JADE2: variants seen among roughly 807,000 people sequenced by gnomAD.
The protein encoded by JADE2 is jade family PHD finger 2, also known as E3 ubiquitin-protein ligase Jade-2.
A neutral mutation model predicts 85.7 loss-of-function variants in JADE2; 13 were observed. The observed-to-expected ratio is 0.15, with a 90% CI of 0.10 to 0.24. JADE2 has a LOEUF of 0.24. JADE2 is among the 10% of genes least tolerant of loss of function. The probability of loss-of-function intolerance (pLI) is 1.00; values close to 1 mark genes in which losing one functional copy is unlikely to be tolerated. For synonymous variants in JADE2, 440 were observed against 456.1 expected (o/e 0.96, Z 0.45); for missense variants, 846 against 1,115.9 (o/e 0.76, Z 3.45).
rs1241954640 is a variant in JADE2 at position 134,535,929 on chromosome 5, G to C, written c.58+14G>C. ...ACACCACTGACAGTAAGGCCTTCCA[G>C]TTTGGGCTCCTACAGGGAAAGCATT... On this transcript the variant is annotated intron_variant, in intron 2 of 11. Coordinates refer to ENST00000681547, the MANE Select transcript of JADE2 (RefSeq NM_001388185.1). 5 of 1,612,226 alleles carry C rather than the reference G, an allele frequency of 3.1e-6. No individual in the cohort carries two copies. Among genetic ancestry groups the C allele is most frequent in the Non-Finnish European group, 1.7e-6 (2 of 1,178,298 alleles).
intron 2 of JADE2, chr5:134,536,901 A>G (rs1475951136): frequency 1.3e-5 from 2 of 152,266 alleles, no homozygotes; most frequent in Non-Finnish European, 2.9e-5. Context: ...CACAGCCCCC[A>G]CAAAAGCCTA....
intron 9 of JADE2, among the ~76,000 whole-genome samples, chr5:134,567,353 C>G (rs1222663258): frequency 1.3e-5 from 2 of 152,158 alleles, no homozygotes; most frequent in Non-Finnish European, 2.9e-5. Context: ...TGGCTGAAAA[C>G]CACCCCCAGC....
At chr5:134,539,944 T>A (rs1357512293) in intron 3 of JADE2, among the ~76,000 whole-genome samples, 2 of 152,062 alleles carry the variant, frequency 1.3e-5, no homozygotes, top group Non-Finnish European at 2.9e-5. Context: ...TGATGCCCCA[T>A]CCCCCAAGCC....
intron 3 of JADE2, among the ~76,000 whole-genome samples, chr5:134,540,872 G>C (rs1761922927): frequency 6.6e-6 from 1 of 152,220 alleles, no homozygotes; most frequent in South Asian, 2.1e-4. Flanking sequence ...TCTGCACCAA[G>C]GATCAGGCCT....
At chr5:134,525,164 C>CT (rs763345253), upstream of JADE2, among the ~76,000 whole-genome samples, 1,703 of 133,710 alleles carry the variant, frequency 0.013, 36 homozygotes, top group African/African-American at 0.041. Flanking sequence ...TATAAGCTCG[C>CT]TTTTTTTTTT....
intron 3 of JADE2, among the ~76,000 whole-genome samples, chr5:134,541,990 G>A (rs897864497): frequency 1.3e-5 from 2 of 152,278 alleles, no homozygotes; most frequent in Admixed American, 6.5e-5. Context: ...GAGTGAAGGG[G>A]GAGTGAGTGC....
intron 4 of JADE2, among the ~76,000 whole-genome samples, chr5:134,553,933 G>GA (rs1762758232): frequency 6.6e-6 from 1 of 152,144 alleles, no homozygotes; most frequent in Non-Finnish European, 1.5e-5. Context: ...TGCAACCTGG[G>GA]AAACCCTCCA....
intron 2 of JADE2, among the ~76,000 whole-genome samples, chr5:134,537,124 C>T (rs1761642732): frequency 1.3e-5 from 2 of 152,198 alleles, no homozygotes; most frequent in Admixed American, 1.3e-4. Context: ...AAACCACATC[C>T]TCCATTTCTA....
intron 3 of JADE2, among the ~76,000 whole-genome samples, chr5:134,551,405 T>G (rs979581163): frequency 6.6e-6 from 1 of 152,052 alleles, no homozygotes; most frequent in East Asian, 1.9e-4. Flanking sequence ...CTTTTTAAAT[T>G]TTTTGTAAAA....
chr5:134,536,532 T>A (rs937829141), intron 2 of JADE2: 4 of 152,236 alleles, frequency 2.6e-5, no homozygotes, highest in Non-Finnish European at 5.9e-5. Context: ...TGGATTGCAC[T>A]ATCAAGCAGC....
At chr5:134,554,969 A>G (rs767840094) in intron 4 of JADE2, among the ~76,000 whole-genome samples, 1 of 152,184 alleles carries the variant, frequency 6.6e-6, no homozygotes, top group Non-Finnish European at 1.5e-5. Flanking sequence ...AAGTCGGGAA[A>G]TTCTGGGGAA....
Position 134,538,494 on chromosome 5 carries a change from G to T in JADE2, c.153+411G>T, listed in dbSNP as rs181597245. Among the ~76,000 whole-genome samples the T allele has an allele frequency of 1.8e-4, 27 of 152,292 alleles. No individual in the cohort carries two copies. The East Asian group carries it at 5.0e-3, about 28-fold the overall frequency. The stretch of plus-strand genomic sequence containing the variant: ...GAGCCAAGAGTGATAAGGATTTGCT[G>T]GTGCAGGGATAAGGGGTGGAGTCCT... On this transcript the variant is annotated intron_variant, in intron 3 of 11. Coordinates refer to ENST00000681547, the MANE Select transcript of JADE2 (RefSeq NM_001388185.1).
chr5:134,545,410 GTTTT>G (rs60025872), intron 3 of JADE2, among the ~76,000 whole-genome samples: 1 of 146,864 alleles, frequency 6.8e-6, no homozygotes, highest in Non-Finnish European at 1.5e-5. Flanking sequence ...GTTGAGTGGG[GTTTT>G]TTTTTTTTTA....
chr5:134,554,139 G>A lies in JADE2; in HGVS notation c.311+1930G>A, dbSNP rs532904542. Among the ~76,000 whole-genome samples the A allele has an allele frequency of 1.2e-4, 18 of 152,284 alleles. No homozygotes were observed. The South Asian group carries it at 3.3e-3, about 28-fold the overall frequency. ...CCCCTGACGTTGGCACCCTCATTTC[G>A]TGGCAGCTGCATCTGATTGGATCAT... On this transcript the variant is annotated intron_variant, in intron 4 of 11. Coordinates refer to ENST00000681547, the MANE Select transcript of JADE2 (RefSeq NM_001388185.1).
At position 134,582,415 on chromosome 5, in the gene JADE2, G is replaced by C. The variant is rs1032486735; in HGVS notation, c.*3098G>C. On this transcript the variant is annotated 3_prime_UTR_variant, in exon 12 of 12. Transcript: ENST00000681547. Reference sequence around the variant, plus strand: ...TGTGTCCGTATGCAGGCATGCCTGTGTATACTGTGTATGGGCACACTGGGA... The same window carrying C: ...TGTGTCCGTATGCAGGCATGCCTGTCTATACTGTGTATGGGCACACTGGGA... 1.3e-4 allele frequency: 5 copies of C among 38,928 alleles called. No homozygotes were observed. Among genetic ancestry groups the C allele is most frequent in the African/African-American group, 5.7e-4 (5 of 8,702 alleles). The allele number at this position is 38,928 out of a possible 1,614,324, so 2.4% of individuals were successfully genotyped here.
chr5:134,529,694 TTAGGC>T (rs1761104531), intron 1 of JADE2, among the ~76,000 whole-genome samples: 1 of 152,242 alleles, frequency 6.6e-6, no homozygotes, highest in Non-Finnish European at 1.5e-5. Context: ...TCTCTCACCT[TTAGGC>T]TAGGCCAGAG....
chr5:134,571,606 A>G (rs1037196660), intron 9 of JADE2, among the ~76,000 whole-genome samples: 2 of 152,198 alleles, frequency 1.3e-5, no homozygotes, highest in Admixed American at 1.3e-4. Flanking sequence ...CTGAGGCAGG[A>G]GAATGGCTTC....
chr5:134,566,479 A>G lies in JADE2; in HGVS notation c.1333A>G (p.Thr445Ala). Residue 445 changes from threonine (T) to alanine (A), a missense_variant, in exon 9 of 12, where the codon ACC becomes GCC. Thr to Ala is a moderately conservative substitution (Grantham distance 58, BLOSUM62 0). Around this residue, in one of 9 missense-constraint regions of JADE2, gnomAD observed 88 missense variants for 140.6 expected, o/e 0.63. Coordinates refer to ENST00000681547, the MANE Select transcript of JADE2 (RefSeq NM_001388185.1). The surrounding 1 kb of genome is among the most constrained non-coding windows in gnomAD (Gnocchi z 6.7). ...AGCCAATGCCAACCAGCCGCTGCTG[A>G]CCCCCAAGACCGACGAGGTGGACAA... ...RKANANQPLLTPKTDEVDNLA... is the reference protein window; with the variant it reads ...RKANANQPLLAPKTDEVDNLA... 6.2e-7 allele frequency: 1 copy of G among 1,612,942 alleles called. No individual in the cohort carries two copies.
At chr5:134,569,861 C>T (rs2150003257) in intron 9 of JADE2, among the ~76,000 whole-genome samples, 1 of 152,276 alleles carries the variant, frequency 6.6e-6, no homozygotes, top group Middle Eastern at 3.4e-3. Context: ...CCTGTGCCTT[C>T]CATCTCTAGG....
Sources: gnomAD v4.1 joint callset for allele counts (sites outside exome capture counted in the v4.1 genomes callset) on GRCh38, gnomAD v4.1.1 for gene constraint, gnomAD v4.1.1 regional missense constraint, Gnocchi (gnomAD v3.1) non-coding constraint, MANE v1.5 for transcripts, NCBI Gene and HGNC (gene_info 2026-07-23, HGNC 2026-07-21) for gene names.